The following RGS6 variants were observed in gnomAD, a reference collection of about 807,000 sequenced individuals.
RGS6 encodes regulator of G protein signaling 6, also known as regulator of G-protein signaling 6.
Under a neutral mutation model 78.5 loss-of-function variants are expected in RGS6, and 30 were observed. The observed-to-expected ratio is 0.38, with a 90% CI of 0.29 to 0.52. RGS6 has a LOEUF of 0.52. Among genes scored for constraint, RGS6 ranks in the 20% least tolerant of loss-of-function variants. The pLI, the probability that RGS6 is intolerant of heterozygous loss-of-function variation, is 0.85. For missense variants in RGS6, 495 were observed against 609.7 expected, an observed-to-expected ratio of 0.81 and a Z score of 1.98; for synonymous variants, 206 against 206.0, an observed-to-expected ratio of 1.00 and a Z score of 0.00.
intron 3 of RGS6, among the ~76,000 whole-genome samples, chr14:72,391,317 C>T (rs1237581136): frequency 6.6e-6 from 1 of 152,068 alleles, no homozygotes; most frequent in African/African-American, 2.4e-5. Flanking sequence ...TCGGCTGTCA[C>T]GACTGAAAAA....
At chr14:71,978,759 A>G (rs574357853) in intron 2 of RGS6, among the ~76,000 whole-genome samples, 2 of 152,192 alleles carry the variant, frequency 1.3e-5, no homozygotes, top group African/African-American at 2.4e-5. Flanking sequence ...CTTTGGTATC[A>G]GGGTGACGCT....
At chr14:71,997,682 G>A (rs1031998626) in intron 2 of RGS6, among the ~76,000 whole-genome samples, 2 of 152,180 alleles carry the variant, frequency 1.3e-5, no homozygotes, top group African/African-American at 2.4e-5. Flanking sequence ...TCGGGGGTGG[G>A]AGGCACTGTG....
At chr14:72,456,231 A>G (rs1275568766) in intron 4 of RGS6, among the ~76,000 whole-genome samples, 4 of 152,164 alleles carry the variant, frequency 2.6e-5, no homozygotes, top group African/African-American at 9.7e-5. Context: ...GCCTTGGGAA[A>G]CAGTCAGATC....
chr14:72,051,533 TAAAAC>T (rs919319294), intron 2 of RGS6, among the ~76,000 whole-genome samples: 1 of 151,978 alleles, frequency 6.6e-6, no homozygotes, highest in African/African-American at 2.4e-5. Flanking sequence ...GGTATGAAAA[TAAAAC>T]AAACAAAAGT....
At chr14:72,612,993 CGTGT>C in the RGS6 span, among the ~76,000 whole-genome samples, 23,269 of 148,914 alleles carry the variant, frequency 0.16, 2,606 homozygotes, top group African/African-American at 0.32. Flanking sequence ...TTAAGTAGGG[CGTGT>C]GTGTGTGTGT....
the RGS6 span, among the ~76,000 whole-genome samples, chr14:71,877,657 G>T: frequency 6.6e-6 from 1 of 152,150 alleles, no homozygotes; most frequent in Non-Finnish European, 1.5e-5. Context: ...TGTTATTACC[G>T]ATTGTCTCAA....
At chr14:72,254,254 A>G (rs1237774289) in intron 2 of RGS6, among the ~76,000 whole-genome samples, 1 of 152,198 alleles carries the variant, frequency 6.6e-6, no homozygotes, top group Non-Finnish European at 1.5e-5. Context: ...AAATTGGATA[A>G]TGCTGCACAA....
At chr14:72,284,783 A>C (rs183930219) in intron 2 of RGS6, among the ~76,000 whole-genome samples, 190 of 152,302 alleles carry the variant, frequency 1.2e-3, no homozygotes, top group African/African-American at 4.3e-3. Context: ...AAAAGCCACA[A>C]ACACTCAAAG....
intron 3 of RGS6, among the ~76,000 whole-genome samples, chr14:72,400,024 G>A (rs539386759): frequency 6.6e-6 from 1 of 152,198 alleles, no homozygotes; most frequent in African/African-American, 2.4e-5. Flanking sequence ...TTCAAATTCA[G>A]GCAATACAGA....
In RGS6 at chr14:72,489,177, T is replaced by C. The variant is rs566087458; in HGVS notation, c.855-5975T>C. ...GGGGGCCCCCCCACCGGCTGTTTGC[T>C]CATCTCAGATTTTGAGAATGCCATG... On this transcript the variant is annotated intron_variant, in intron 12 of 17. Coordinates refer to ENST00000553525, the MANE Select transcript of RGS6 (RefSeq NM_001204424.2). Among the ~76,000 whole-genome samples, 60 of 139,228 alleles carry C rather than the reference T, an allele frequency of 4.3e-4. 4 individuals are homozygous for C. In the South Asian group the frequency reaches 0.015, roughly 34 times the overall value. The allele number at this position is 139,228 out of a possible 152,430, so 91.3% of individuals were successfully genotyped here.
At chr14:72,200,472 T>G (rs1372068602) in intron 2 of RGS6, among the ~76,000 whole-genome samples, 1 of 152,222 alleles carries the variant, frequency 6.6e-6, no homozygotes, top group Non-Finnish European at 1.5e-5. Context: ...CTTCCAAGGG[T>G]GTTTGCACTT....
intron 2 of RGS6, among the ~76,000 whole-genome samples, chr14:72,155,386 G>C (rs1401528884): frequency 6.6e-6 from 1 of 152,156 alleles, no homozygotes; most frequent in Non-Finnish European, 1.5e-5. Flanking sequence ...TCAAAGACTT[G>C]TCAGAACTCA....
chr14:72,185,964 C>A, intron 2 of RGS6, among the ~76,000 whole-genome samples: 1 of 152,230 alleles, frequency 6.6e-6, no homozygotes, highest in South Asian at 2.1e-4. Flanking sequence ...ATAATTTTTT[C>A]ACACATCAAC....
chr14:72,389,977 C>T (rs971316908), intron 3 of RGS6, among the ~76,000 whole-genome samples: 20 of 151,296 alleles, frequency 1.3e-4, no homozygotes, highest in African/African-American at 4.4e-4. Flanking sequence ...AGACTCAAAA[C>T]AGATGGTGGG....
intron 2 of RGS6, among the ~76,000 whole-genome samples, chr14:72,042,129 C>CTTTTTT (rs202194668): frequency 1.2e-4 from 16 of 134,506 alleles, no homozygotes; most frequent in South Asian, 2.4e-4. Flanking sequence ...TTTTCTTTTT[C>CTTTTTT]TTTTTTTTTT....
At chr14:72,179,394 C>G (rs534011864) in intron 2 of RGS6, among the ~76,000 whole-genome samples, 32 of 152,170 alleles carry the variant, frequency 2.1e-4, no homozygotes, top group Non-Finnish European at 4.6e-4. Flanking sequence ...AAGCACCGCT[C>G]AGTTTATAAT....
At position 72,155,190 on chromosome 14, in the gene RGS6, G is replaced by A. The variant is rs182798881; in HGVS notation, c.84+190315G>A. On this transcript the variant is annotated intron_variant, in intron 2 of 17. Transcript: ENST00000553525. ...GTCACAGCTGGGCTTTCTGGAACCC[G>A]GATTCTTGTCTCTGGTTAGCTCAGG... Among the ~76,000 whole-genome samples, 179 of 152,304 alleles carry A rather than the reference G, an allele frequency of 1.2e-3. 1 individual carries two copies. The highest frequency in any genetic ancestry group is 2.1e-3 in the Admixed American group (32 of 15,292).
At chr14:72,173,015 C>T (rs899459901) in intron 2 of RGS6, among the ~76,000 whole-genome samples, 2 of 152,152 alleles carry the variant, frequency 1.3e-5, no homozygotes, top group African/African-American at 4.8e-5. Context: ...AGGGCTGCTG[C>T]CAGGATTTCC....
intron 3 of RGS6, among the ~76,000 whole-genome samples, chr14:72,429,407 T>G (rs1044669742): frequency 2.0e-5 from 3 of 152,292 alleles, no homozygotes; most frequent in Middle Eastern, 3.4e-3. Context: ...AGTTAATTCA[T>G]TCTAGTCTCC....
Sources: gnomAD v4.1 joint callset for allele counts (sites outside exome capture counted in the v4.1 genomes callset) on GRCh38, gnomAD v4.1.1 for gene constraint, MANE v1.5 for transcripts, NCBI Gene and HGNC (gene_info 2026-07-23, HGNC 2026-07-21) for gene names.